Variants in NRP1 observed in about 807,000 individuals in gnomAD.
The protein encoded by NRP1 is neuropilin-1.
NRP1 carries 35 observed loss-of-function variants against 106.7 expected under a neutral mutation model. The observed-to-expected ratio is 0.33, with a 90% confidence interval of 0.25 to 0.43. NRP1 has a LOEUF of 0.43. Ranked by LOEUF, NRP1 falls within the 20% of genes least tolerant of loss-of-function variation. The pLI is 1.00. For missense variants in NRP1, 1,024 were observed against 1,170.4 expected (o/e 0.87, Z 1.83); for synonymous variants, 437 against 417.9 (o/e 1.05, Z -0.56).
intron 8 of NRP1, among the ~76,000 whole-genome samples, chr10:33,217,073 T>C (rs546121886): frequency 4.3e-4 from 65 of 152,314 alleles, no homozygotes; most frequent in African/African-American, 1.3e-3. Flanking sequence ...GAAACTGTAG[T>C]GTTAAAAATA....
chr10:33,285,018 C>G (rs1844413297), intron 2 of NRP1, among the ~76,000 whole-genome samples: 1 of 152,230 alleles, frequency 6.6e-6, no homozygotes, highest in Non-Finnish European at 1.5e-5. Context: ...ATTTGGCAAT[C>G]TAGTTCTTTC....
intron 6 of NRP1, among the ~76,000 whole-genome samples, chr10:33,249,107 T>TTTTC (rs1841653268): frequency 7.3e-6 from 1 of 136,512 alleles, no homozygotes; most frequent in African/African-American, 2.5e-5. Flanking sequence ...TTTTTTTTTT[T>TTTTC]TGTCTCCTGG....
chr10:33,238,059 A>G (rs1840721888), intron 6 of NRP1, among the ~76,000 whole-genome samples: 1 of 152,208 alleles, frequency 6.6e-6, no homozygotes, highest in African/African-American at 2.4e-5. Flanking sequence ...CCTTGTAGGT[A>G]AACTTGAAGT....
At chr10:33,202,687 T>C in intron 11 of NRP1, 1 of 1,548,972 alleles carries the variant, frequency 6.5e-7, no homozygotes, top group South Asian at 1.2e-5. Flanking sequence ...AAATTATTGT[T>C]ACAAATGGTT....
Position 33,277,942 on chromosome 10 carries a change from T to C in NRP1, c.249-7086A>G, listed in dbSNP as rs184001955. On this transcript the variant is annotated intron_variant, in intron 2 of 16. Coordinates refer to ENST00000374867, the MANE Select transcript of NRP1 (RefSeq NM_003873.7). ...ATTATAAGCAGGATTGTGAGACATA[T>C]GTCTTTGATCCAGGGCTTATTTTTA... Among the ~76,000 whole-genome samples, 20 of 152,316 alleles carry C rather than the reference T, an allele frequency of 1.3e-4. No homozygotes were observed. In the East Asian group the frequency reaches 3.7e-3, roughly 28 times the overall value.
chr10:33,249,516 G>A (rs746172345), intron 6 of NRP1: 9 of 530,954 alleles, frequency 1.7e-5, no homozygotes, highest in African/African-American at 5.8e-5. Context: ...GATTTTGATC[G>A]CACCACTGAT....
Position 33,185,701 on chromosome 10 carries a change from T to C in NRP1, c.2358A>G (p.Gly786=), listed in dbSNP as rs147451301. ...CAGCAATCCCACCAAGGTTTCCTTT[T>C]CCGATTTCGCCCTCGAAAATCACCT... is the stretch of plus-strand genomic sequence containing the variant. ...LYQVIFEGEI[G]KGNLGGIAVD... Residue 786 remains glycine, a synonymous_variant, in exon 15 of 17, where the codon GGA becomes GGG. Coordinates refer to ENST00000374867, the MANE Select transcript of NRP1 (RefSeq NM_003873.7). The C allele has an allele frequency of 1.9e-5, 30 of 1,614,010 alleles. No homozygotes were observed. In the African/African-American group the frequency reaches 3.7e-4, roughly 20 times the overall value.
chr10:33,249,274 T>G, intron 6 of NRP1: 1 of 305,624 alleles, frequency 3.3e-6, no homozygotes, highest in Non-Finnish European at 6.4e-6. Flanking sequence ...TGCGTGTCAA[T>G]GGCTACGTTC....
At chr10:33,314,089 C>G (rs1009488216) in intron 2 of NRP1, among the ~76,000 whole-genome samples, 7 of 137,498 alleles carry the variant, frequency 5.1e-5, no homozygotes, top group African/African-American at 1.8e-4. Context: ...CCTCCTCTCT[C>G]TCTCTCTATT....
intron 15 of NRP1, among the ~76,000 whole-genome samples, chr10:33,184,987 A>C (rs1224204667): frequency 1.3e-5 from 2 of 152,350 alleles, no homozygotes; most frequent in Non-Finnish European, 1.5e-5. Context: ...TGCCATTAGT[A>C]ATGCTATTTG....
At chr10:33,258,188 TGG>T (rs1466674449) in intron 4 of NRP1, among the ~76,000 whole-genome samples, 15 of 152,314 alleles carry the variant, frequency 9.8e-5, no homozygotes, top group Admixed American at 7.8e-4. Context: ...CACTGTTTCG[TGG>T]ATTGCACAGA....
chr10:33,220,190 T>C (rs1839115367), intron 8 of NRP1, among the ~76,000 whole-genome samples: 1 of 152,196 alleles, frequency 6.6e-6, no homozygotes, highest in Non-Finnish European at 1.5e-5. Context: ...TAAACAAGTA[T>C]AGTTTTTCCT....
intron 3 of NRP1, among the ~76,000 whole-genome samples, chr10:33,270,320 TTAAA>T (rs1400417281): frequency 6.9e-6 from 1 of 144,468 alleles, no homozygotes; most frequent in East Asian, 2.0e-4. Context: ...TCAAACAATG[TTAAA>T]TAAATTTTTT....
At chr10:33,220,800 C>T (rs1412392609) in intron 8 of NRP1, among the ~76,000 whole-genome samples, 1 of 142,520 alleles carries the variant, frequency 7.0e-6, no homozygotes, top group Admixed American at 7.6e-5. Flanking sequence ...ACTCAGGAGG[C>T]TGAAGCAGGA....
At chr10:33,260,169 G>A (rs1356487365) in intron 4 of NRP1, among the ~76,000 whole-genome samples, 1 of 151,960 alleles carries the variant, frequency 6.6e-6, no homozygotes, top group Non-Finnish European at 1.5e-5. Context: ...TGGCCTAAAG[G>A]TATCCTTTTT....
At chr10:33,207,441 G>A (rs1837875742) in intron 10 of NRP1, 131 bp downstream of exon 10, 1 of 902,120 alleles carries the variant, frequency 1.1e-6, no homozygotes, top group Non-Finnish European at 1.7e-6. Context: ...CTCACTGATG[G>A]GCAGGCACCG....
intron 2 of NRP1, among the ~76,000 whole-genome samples, chr10:33,304,701 C>G (rs969939317): frequency 6.6e-6 from 1 of 152,168 alleles, no homozygotes; most frequent in South Asian, 2.1e-4. Context: ...TGGCATTCAA[C>G]AGTCGACTCC....
chr10:33,314,703 G>T (rs1846891380), intron 2 of NRP1, among the ~76,000 whole-genome samples: 1 of 152,108 alleles, frequency 6.6e-6, no homozygotes, highest in Non-Finnish European at 1.5e-5. Context: ...AGGCAGCAGT[G>T]GAATCCTCTC....
chr10:33,261,307 C>T (rs980832947), intron 4 of NRP1, among the ~76,000 whole-genome samples: 5 of 152,190 alleles, frequency 3.3e-5, no homozygotes, highest in South Asian at 2.1e-4. Context: ...TGAAAGTCTT[C>T]TAAATAAGTT....
Sources: allele counts gnomAD v4.1 joint callset (sites outside exome capture counted in the v4.1 genomes callset), GRCh38; gene constraint gnomAD v4.1.1; transcripts MANE v1.5; gene names NCBI Gene and HGNC (gene_info 2026-07-23, HGNC 2026-07-21).